The following CUL5 variants were observed in gnomAD, a reference collection of about 807,000 sequenced individuals.
CUL5 encodes cullin-5.
CUL5 carries 26 observed loss-of-function variants against 108.8 expected under a neutral mutation model. The observed-to-expected ratio is 0.24, with a 90% confidence interval of 0.18 to 0.33. CUL5 has a LOEUF of 0.33. Ranked by LOEUF, CUL5 falls within the 10% of genes least tolerant of loss-of-function variation. CUL5 has a pLI of 1.00. For synonymous variants in CUL5, 334 were observed against 298.0 expected, an observed-to-expected ratio of 1.12 and a Z score of -1.25; for missense variants, 524 against 909.2, an observed-to-expected ratio of 0.58 and a Z score of 5.45.
At chr11:108,037,433 T>G (rs963334705) in intron 2 of CUL5, among the ~76,000 whole-genome samples, 1 of 152,210 alleles carries the variant, frequency 6.6e-6, no homozygotes, top group Non-Finnish European at 1.5e-5. Flanking sequence ...CAGTGATTGC[T>G]GGGAGTATTC....
At chr11:108,073,348 CT>C in intron 9 of CUL5, 41 bp from the exon 10 acceptor site, 1 of 882,260 alleles carries the variant, frequency 1.1e-6, no homozygotes, top group South Asian at 1.7e-5. Context: ...TTGTGTTATT[CT>C]TTTTCTTTTA....
chr11:108,095,789 A>G (rs1369568080), intron 16 of CUL5, 98 bp downstream of exon 16: 1 of 1,136,888 alleles, frequency 8.8e-7, no homozygotes, highest in Non-Finnish European at 1.3e-6. Flanking sequence ...TAACAGTTTC[A>G]GAATGTCTTA....
intron 11 of CUL5, among the ~76,000 whole-genome samples, chr11:108,085,810 G>A (rs947188621): frequency 2.0e-5 from 3 of 152,164 alleles, no homozygotes; most frequent in Admixed American, 6.6e-5. Context: ...TAGAGAATGG[G>A]ATTTGACTGC....
intron 7 of CUL5, among the ~76,000 whole-genome samples, chr11:108,061,915 G>GAA (rs1863545676): frequency 6.6e-6 from 1 of 152,008 alleles, no homozygotes; most frequent in Admixed American, 6.6e-5. Flanking sequence ...GAGAGAGAGA[G>GAA]AATGTGCAGG....
rs1198398919 is a variant in CUL5, at chr11:108,050,083, C to T, written c.411+17C>T. ...GTTCGAAAGGTAAGACTATTTTTCTCCTTGTTTTCCTAATATTCTTCAGAA... is the reference window on the plus strand; with the variant it reads ...GTTCGAAAGGTAAGACTATTTTTCTTCTTGTTTTCCTAATATTCTTCAGAA... On this transcript the variant is annotated intron_variant, in intron 4 of 18. Transcript: ENST00000393094. The T allele has an allele frequency of 2.0e-5, 31 of 1,552,784 alleles. No individual in the cohort carries two copies. The highest frequency in any genetic ancestry group is 2.5e-5 in the Non-Finnish European group (29 of 1,148,698).
intron 7 of CUL5, among the ~76,000 whole-genome samples, chr11:108,060,798 C>T (rs960923822): frequency 6.6e-6 from 1 of 151,832 alleles, no homozygotes; most frequent in Admixed American, 6.6e-5. Flanking sequence ...CGCCATTGCA[C>T]TCCAGCTTGG....
intron 1 of CUL5, among the ~76,000 whole-genome samples, chr11:108,010,924 G>GGTGCTATTGATAAT (rs1862043680): frequency 6.6e-6 from 1 of 152,066 alleles, no homozygotes; most frequent in Non-Finnish European, 1.5e-5. Flanking sequence ...CTACAATATA[G>GGTGCTATTGATAAT]GTGCTATTGA....
Position 108,009,014 on chromosome 11 carries a change from A to C in CUL5, c.-335A>C, listed in dbSNP as rs923485053. The stretch of plus-strand genomic sequence containing the variant: ...GGGTGCAACCACAAAGGCTAATCCG[A>C]AGGAGTCGGGGAGGCTCGTGGAGTC... On this transcript the variant is annotated 5_prime_UTR_variant, in exon 1 of 19. Coordinates refer to ENST00000393094, the MANE Select transcript of CUL5 (RefSeq NM_003478.6). 2 of 373,312 alleles carry C rather than the reference A, an allele frequency of 5.4e-6. No individual in the cohort carries two copies. The highest frequency in any genetic ancestry group is 9.8e-6 in the Non-Finnish European group (2 of 204,966). 23.1% of individuals were successfully genotyped at this position (373,312 alleles called of 1,614,324 possible).
At chr11:108,018,963 C>CA (rs1389588696) in intron 1 of CUL5, among the ~76,000 whole-genome samples, 1 of 151,860 alleles carries the variant, frequency 6.6e-6, no homozygotes, top group African/African-American at 2.4e-5. Flanking sequence ...GCAGTGATCT[C>CA]AAAAAAACCT....
Position 108,009,247 on chromosome 11 carries a change from G to C in CUL5, c.-102G>C, listed in dbSNP as rs560813272. On this transcript the variant is annotated 5_prime_UTR_variant, in exon 1 of 19. Coordinates refer to ENST00000393094, the MANE Select transcript of CUL5 (RefSeq NM_003478.6). ...CGCCCACCACACCCTGGTGCGGGCC[G>C]ACGGGCCCTGGGCCCTGGTGGGAGC... The C allele has an allele frequency of 2.6e-5, 35 of 1,333,698 alleles. No homozygotes were observed. In the East Asian group the frequency reaches 7.7e-4, roughly 29 times the overall value. The allele number at this position is 1,333,698 out of a possible 1,614,324, so 82.6% of individuals were successfully genotyped here. A position where few individuals can be genotyped will look rare whatever the true frequency, so the allele number is the denominator to read the frequency against.
chr11:108,020,543 T>TTG (rs1555011458), intron 1 of CUL5, among the ~76,000 whole-genome samples: 9 of 151,326 alleles, frequency 5.9e-5, no homozygotes, highest in Middle Eastern at 6.8e-3. Context: ...TGATTTTTTT[T>TTG]TTTTTGTTTT....
At chr11:108,089,746 T>C (rs1281590166) in intron 13 of CUL5, 123 bp downstream of exon 13, 4 of 558,576 alleles carry the variant, frequency 7.2e-6, no homozygotes, top group Non-Finnish European at 1.1e-5. Context: ...TATAAGAATA[T>C]AGCGTCAGTT....
intron 2 of CUL5, among the ~76,000 whole-genome samples, chr11:108,045,493 G>A (rs1017606857): frequency 7.2e-5 from 11 of 152,160 alleles, no homozygotes; most frequent in African/African-American, 2.4e-4. Context: ...GCTGAGGCAG[G>A]GGGATCCCTT....
intron 3 of CUL5, among the ~76,000 whole-genome samples, chr11:108,048,442 A>T (rs1385315448): frequency 6.6e-6 from 1 of 152,088 alleles, no homozygotes; most frequent in Non-Finnish European, 1.5e-5. Flanking sequence ...ATTAAAACTC[A>T]TATATGGTTT....
chr11:108,099,721 C>T (rs544934626), intron 18 of CUL5, among the ~76,000 whole-genome samples: 1 of 152,124 alleles, frequency 6.6e-6, no homozygotes, highest in East Asian at 1.9e-4. Context: ...AGTCATCTTC[C>T]CATGTTTCCA....
intron 10 of CUL5, 27 bp downstream of exon 10, chr11:108,073,524 C>A: frequency 9.3e-7 from 1 of 1,078,218 alleles, no homozygotes; most frequent in Non-Finnish European, 1.3e-6. Flanking sequence ...ATATAAAAAA[C>A]ACTTTTAAAA....
chr11:108,052,349 C>T (rs562222807), intron 4 of CUL5, among the ~76,000 whole-genome samples: 1 of 152,174 alleles, frequency 6.6e-6, no homozygotes, highest in Admixed American at 6.5e-5. Context: ...GGGTCTTACT[C>T]TGTCACCCAG....
intron 11 of CUL5, chr11:108,084,928 A>G (rs1008091231): frequency 2.0e-4 from 30 of 152,250 alleles, no homozygotes; most frequent in African/African-American, 7.2e-4. Context: ...GTCCAAGTGC[A>G]GTGGTGTTTA....
intron 9 of CUL5, among the ~76,000 whole-genome samples, chr11:108,073,095 G>A (rs1015302567): frequency 3.3e-5 from 5 of 151,854 alleles, no homozygotes; most frequent in African/African-American, 1.2e-4. Flanking sequence ...CCAGCTACTT[G>A]GGAGGGTGAG....
Sources: allele counts gnomAD v4.1 joint callset (sites outside exome capture counted in the v4.1 genomes callset), GRCh38; gene constraint gnomAD v4.1.1; transcripts MANE v1.5; gene names NCBI Gene and HGNC (gene_info 2026-07-23, HGNC 2026-07-21).